MTMR7: variants seen among roughly 807,000 people sequenced by gnomAD.
MTMR7 encodes the protein myotubularin related protein 7.
A neutral mutation model predicts 81.2 loss-of-function variants in MTMR7; 76 were observed. That is an observed-to-expected ratio of 0.94 (90% CI 0.78 to 1.13). The LOEUF is 1.13. MTMR7 is among the 50% of genes most tolerant of loss of function. The pLI, the probability that MTMR7 is intolerant of heterozygous loss-of-function variation, is 0.00. For missense variants in MTMR7, 1,044 were observed against 820.0 expected, an observed-to-expected ratio of 1.27 and a Z score of -3.34; for synonymous variants, 372 against 289.8, an observed-to-expected ratio of 1.28 and a Z score of -2.88.
At chr8:17,398,349 T>C (rs1821321603) in intron 1 of MTMR7, among the ~76,000 whole-genome samples, 3 of 152,074 alleles carry the variant, frequency 2.0e-5, no homozygotes, top group Non-Finnish European at 4.4e-5. Flanking sequence ...AACAAATAGA[T>C]TCAAATAATT....
At chr8:17,319,881 T>C (rs1313160124) in intron 7 of MTMR7, among the ~76,000 whole-genome samples, 1 of 152,210 alleles carries the variant, frequency 6.6e-6, no homozygotes, top group African/African-American at 2.4e-5. Flanking sequence ...GGTTGTGCTT[T>C]CTATCACTTA....
chr8:17,394,578 G>A (rs981635447), intron 1 of MTMR7, among the ~76,000 whole-genome samples: 1 of 152,048 alleles, frequency 6.6e-6, no homozygotes, highest in Non-Finnish European at 1.5e-5. Context: ...TTTCTTTTTG[G>A]GGTGGTGAAA....
At chr8:17,306,061 A>G (rs1817434917) in intron 10 of MTMR7, 104 bp from the exon 11 acceptor site, 1 of 864,472 alleles carries the variant, frequency 1.2e-6, no homozygotes, top group Non-Finnish European at 1.7e-6. Flanking sequence ...TCCTAAATAA[A>G]TCTTATCTTA....
At position 17,413,302 on chromosome 8, in the gene MTMR7, A is replaced by G. The variant is rs541247538; in HGVS notation, c.-10T>C. ...TACGGATGTGCTCCATGGCTGGCCC[A>G]CGTCTGCAGGGTCCCGGGCGGGCGC... On this transcript the variant is annotated 5_prime_UTR_variant, in exon 1 of 14. Transcript: ENST00000180173. 20 of 1,541,754 alleles carry G rather than the reference A, an allele frequency of 1.3e-5. No individual in the cohort carries two copies. Among genetic ancestry groups the G allele is most frequent in the Non-Finnish European group, 1.8e-5 (20 of 1,142,268 alleles).
At chr8:17,327,729 AC>A in intron 7 of MTMR7, among the ~76,000 whole-genome samples, 1 of 151,504 alleles carries the variant, frequency 6.6e-6, no homozygotes, top group South Asian at 2.1e-4. Flanking sequence ...CACTAGTTTT[AC>A]CACATTCTTT....
rs1816725111 is a variant in MTMR7 at position 17,297,173 on chromosome 8, T to C, written c.*2689A>G. The C allele has an allele frequency of 6.6e-6, 1 of 152,194 alleles. No individual in the cohort carries two copies. The highest frequency in any genetic ancestry group is 2.4e-5 in the African/African-American group (1 of 41,456). The allele number at this position is 152,194 out of a possible 1,614,324, so 9.4% of individuals were successfully genotyped here. ...TACAAGATGAGATAGAAATCAGAAT[T>C]AAAGAGGAATACTTAGGAGTTACTA... On this transcript the variant is annotated 3_prime_UTR_variant, in exon 14 of 14. Coordinates refer to ENST00000180173, the MANE Select transcript of MTMR7 (RefSeq NM_004686.5).
At chr8:17,374,592 G>A (rs992156399) in intron 1 of MTMR7, among the ~76,000 whole-genome samples, 2 of 151,976 alleles carry the variant, frequency 1.3e-5, no homozygotes, top group African/African-American at 4.8e-5. Context: ...CCGTACCGTA[G>A]CCTGGCGACA....
intron 1 of MTMR7, among the ~76,000 whole-genome samples, chr8:17,376,126 T>C (rs1820580068): frequency 6.6e-6 from 1 of 152,210 alleles, no homozygotes; most frequent in African/African-American, 2.4e-5. Flanking sequence ...ACCCTCTGTC[T>C]CTATAGATTT....
At chr8:17,315,434 G>A (rs1405840257) in intron 7 of MTMR7, among the ~76,000 whole-genome samples, 1 of 152,070 alleles carries the variant, frequency 6.6e-6, no homozygotes, top group South Asian at 2.1e-4. Context: ...CCCACAGAAT[G>A]TCCAACAGCA....
chr8:17,309,713 AC>A (rs1817681286), intron 9 of MTMR7, among the ~76,000 whole-genome samples: 1 of 152,060 alleles, frequency 6.6e-6, no homozygotes, highest in South Asian at 2.1e-4. Flanking sequence ...TAGGAAGGAG[AC>A]CCCACTTCAC....
intron 4 of MTMR7, among the ~76,000 whole-genome samples, chr8:17,355,066 G>C (rs551758777): frequency 2.0e-5 from 3 of 152,144 alleles, no homozygotes; most frequent in Non-Finnish European, 4.4e-5. Context: ...GACTATATAT[G>C]AGTCATGTTT....
At position 17,299,684 on chromosome 8, in the gene MTMR7, C is replaced by T. The variant is rs1219278525; in HGVS notation, c.*178G>A. 5.1e-5 allele frequency: 38 copies of T among 750,154 alleles called. No individual in the cohort carries two copies. In the East Asian group the frequency reaches 8.1e-4, roughly 16 times the overall value. The allele number at this position is 750,154 out of a possible 1,614,324, so 46.5% of individuals were successfully genotyped here. The stretch of plus-strand genomic sequence containing the variant: ...TTATATTTGATAAATGAAATGACTA[C>T]GTCCTCTTCAGTATCTAAGAAATCA... On this transcript the variant is annotated 3_prime_UTR_variant, in exon 14 of 14. Transcript: ENST00000180173.
intron 1 of MTMR7, among the ~76,000 whole-genome samples, chr8:17,407,593 A>G (rs1278821480): frequency 6.9e-6 from 1 of 145,278 alleles, no homozygotes; most frequent in Non-Finnish European, 1.5e-5. Context: ...ACATTTCCAT[A>G]GGATTAAAAA....
chr8:17,320,927 A>G (rs1818356949), intron 7 of MTMR7, among the ~76,000 whole-genome samples: 1 of 152,142 alleles, frequency 6.6e-6, no homozygotes, highest in South Asian at 2.1e-4. Context: ...AAATACACAC[A>G]TTCCACTGCG....
At position 17,305,759 on chromosome 8, in the gene MTMR7, G is replaced by A; in HGVS notation, c.1350C>T (p.Leu450=). 4 of 1,606,138 alleles carry A rather than the reference G, an allele frequency of 2.5e-6. No homozygotes were observed. Among genetic ancestry groups the A allele is most frequent in the South Asian group, 2.2e-5 (2 of 90,590 alleles). ...LCNSQKERRE[L]KIQERTYSLW... ...ACCAAAAACACCAAAACACTTACTT[G>A]AGTTCTCGTCTCTCCTTTTGGCTGT... The change falls in exon 11 of 14, where the codon CTC becomes CTT. Residue 450 remains leucine (L), a splice_region_variant and synonymous_variant. Transcript: ENST00000180173.
At chr8:17,413,136 T>C (rs1261777462) in intron 1 of MTMR7, 133 bp downstream of exon 1, 6 of 1,038,810 alleles carry the variant, frequency 5.8e-6, no homozygotes, top group Non-Finnish European at 8.7e-6. Flanking sequence ...AGGCAATGCC[T>C]GCTCCTCCCT....
chr8:17,385,425 G>C (rs572637523), intron 1 of MTMR7, among the ~76,000 whole-genome samples: 36 of 152,186 alleles, frequency 2.4e-4, no homozygotes, highest in Non-Finnish European at 4.9e-4. Flanking sequence ...TCTCGTGATA[G>C]TGAATACGCC....
intron 1 of MTMR7, among the ~76,000 whole-genome samples, chr8:17,407,630 G>C (rs1267144856): frequency 1.3e-5 from 2 of 151,100 alleles, no homozygotes; most frequent in Non-Finnish European, 2.9e-5. Flanking sequence ...CCTTCTAAAA[G>C]TATGTTTTGA....
intron 6 of MTMR7, among the ~76,000 whole-genome samples, chr8:17,332,397 G>A (rs1250559175): frequency 1.3e-5 from 2 of 152,134 alleles, no homozygotes; most frequent in African/African-American, 4.8e-5. Context: ...ATTGAAAAAA[G>A]CTGAAAACCC....
Sources: allele counts gnomAD v4.1 joint callset (sites outside exome capture counted in the v4.1 genomes callset), GRCh38; gene constraint gnomAD v4.1.1; transcripts MANE v1.5; gene names NCBI Gene and HGNC (gene_info 2026-07-23, HGNC 2026-07-21).